The following LMX1B variants were observed in gnomAD, a reference collection of about 807,000 sequenced individuals.
The protein encoded by LMX1B is LIM homeobox transcription factor 1 beta.
LMX1B carries 12 observed loss-of-function variants against 51.4 expected under a neutral mutation model. The ratio of observed to expected loss-of-function variants is 0.23; its 90% CI spans 0.15 to 0.38. The LOEUF (loss-of-function observed/expected upper bound fraction) is 0.38, where lower values mean the gene tolerates loss of function less well. LMX1B is among the 10% of genes least tolerant of loss of function. LMX1B has a pLI of 1.00. For synonymous variants in LMX1B, 237 were observed against 235.4 expected (o/e 1.01, Z -0.06); for missense variants, 445 against 571.1 (o/e 0.78, Z 2.25).
At position 126,675,169 on chromosome 9, in the gene LMX1B, A is replaced by G. The variant is rs556089585; in HGVS notation, c.327-15667A>G. Reference sequence around the variant, plus strand: ...CAATCAGTCCTCATTACCAAAACAAAACAAAACCCCCCCAAAATACACCCA... The same window carrying G: ...CAATCAGTCCTCATTACCAAAACAAGACAAAACCCCCCCAAAATACACCCA... On this transcript the variant is annotated intron_variant, in intron 2 of 7. Coordinates refer to ENST00000373474, the MANE Select transcript of LMX1B (RefSeq NM_001174147.2). 2.1e-5 allele frequency among the ~76,000 whole-genome samples: 3 copies of G among 141,294 alleles called. 1 individual carries two copies. In the South Asian group the frequency reaches 6.6e-4, roughly 31 times the overall value. The allele number at this position is 141,294 out of a possible 152,430, so 92.7% of individuals were successfully genotyped here.
At chr9:126,666,460 G>C (rs764809090) in intron 2 of LMX1B, among the ~76,000 whole-genome samples, 1 of 152,178 alleles carries the variant, frequency 6.6e-6, no homozygotes, top group Non-Finnish European at 1.5e-5. Context: ...TCCATTTCTG[G>C]AAAGAGGAAA....
intron 2 of LMX1B, among the ~76,000 whole-genome samples, chr9:126,643,435 T>C (rs1835843165): frequency 1.3e-5 from 2 of 152,168 alleles, no homozygotes; most frequent in South Asian, 4.1e-4. Context: ...TGTGAGTCCT[T>C]GGGCAACTCA....
At position 126,696,689 on chromosome 9, in the gene LMX1B, C is replaced by T. The variant is rs2030350724; in HGVS notation, c.*238C>T. ...ACAGAGACCTTGTCATCCCCAGGGA[C>T]CCAGAGCTCTCGGACGGCCACTCGC... On this transcript the variant is annotated 3_prime_UTR_variant, in exon 8 of 8. Transcript: ENST00000373474. The T allele has an allele frequency of 1.7e-6, 1 of 573,424 alleles. No individual in the cohort carries two copies. Among genetic ancestry groups the T allele is most frequent in the African/African-American group, 1.9e-5 (1 of 53,364 alleles). 35.5% of individuals were successfully genotyped at this position (573,424 alleles called of 1,614,324 possible).
rs1387631319 is a variant in LMX1B at position 126,696,741 on chromosome 9, G to C, written c.*290G>C. ...TCCCAGCCCCACCTCGGCCTCCATC[G>C]CCTCCTCCCCATCTCTTTTTTGGGA... On this transcript the variant is annotated 3_prime_UTR_variant, in exon 8 of 8. Transcript: ENST00000373474. 1 of 526,662 alleles carries C rather than the reference G, an allele frequency of 1.9e-6. No homozygotes were observed. The highest frequency in any genetic ancestry group is 1.9e-5 in the African/African-American group (1 of 52,294). 32.6% of individuals were successfully genotyped at this position (526,662 alleles called of 1,614,324 possible). A position where few individuals can be genotyped will look rare whatever the true frequency, so the allele number is the denominator to read the frequency against.
rs754713175 is a variant in LMX1B at position 126,691,031 on chromosome 9, C to A, written c.522C>A (p.Asp174Glu). The A allele has an allele frequency of 6.2e-7, 1 of 1,613,706 alleles. No homozygotes were observed. The highest frequency in any genetic ancestry group is 1.1e-5 in the South Asian group (1 of 91,006). ...AGGGTGACTACGAGAAGGAGAAGGACCTGCTCAGCTCCGTGAGCCCCGACG... is the reference window on the plus strand; with the variant it reads ...AGGGTGACTACGAGAAGGAGAAGGAACTGCTCAGCTCCGTGAGCCCCGACG... ...LCKGDYEKEK[D>E]LLSSVSPDES... Residue 174 changes from aspartate (D) to glutamate (E), a missense_variant, in exon 3 of 8, where the codon GAC becomes GAA. By Grantham distance (45) the Asp-to-Glu change is conservative (BLOSUM62 2). Transcript: ENST00000373474.
intron 2 of LMX1B, among the ~76,000 whole-genome samples, chr9:126,642,039 C>G (rs1202527775): frequency 6.6e-6 from 1 of 152,180 alleles, no homozygotes; most frequent in African/African-American, 2.4e-5. Context: ...AAGCCCCCAC[C>G]TGGAACAGTT....
At chr9:126,634,827 T>C (rs1325730638) in intron 2 of LMX1B, among the ~76,000 whole-genome samples, 3 of 152,018 alleles carry the variant, frequency 2.0e-5, no homozygotes, top group Non-Finnish European at 2.9e-5. Flanking sequence ...GCAGGTGACA[T>C]TTGGAGTCAC....
intron 2 of LMX1B, among the ~76,000 whole-genome samples, chr9:126,682,673 G>T (rs1836697309): frequency 6.6e-6 from 1 of 152,092 alleles, no homozygotes; most frequent in Non-Finnish European, 1.5e-5. Context: ...TAGGTGGGGG[G>T]ATCACGAGGT....
chr9:126,685,268 A>T (rs971721527), intron 2 of LMX1B, among the ~76,000 whole-genome samples: 1 of 152,152 alleles, frequency 6.6e-6, no homozygotes, highest in Non-Finnish European at 1.5e-5. Context: ...TAAGGAGGCA[A>T]GAAGGGACTT....
intron 2 of LMX1B, among the ~76,000 whole-genome samples, chr9:126,654,805 C>T (rs1002428540): frequency 1.3e-5 from 2 of 152,246 alleles, no homozygotes; most frequent in Non-Finnish European, 2.9e-5. Flanking sequence ...TATCTCTCAT[C>T]TTTACTCCCC....
intron 2 of LMX1B, among the ~76,000 whole-genome samples, chr9:126,628,897 A>G (rs1276104083): frequency 6.6e-6 from 1 of 151,886 alleles, no homozygotes; most frequent in Non-Finnish European, 1.5e-5. Context: ...TTGCGACGCA[A>G]ATTGCTTCTG....
intron 2 of LMX1B, among the ~76,000 whole-genome samples, chr9:126,619,261 C>G (rs1443157568): frequency 6.6e-6 from 1 of 152,214 alleles, no homozygotes; most frequent in Non-Finnish European, 1.5e-5. Context: ...CGGGAAAGAC[C>G]TTCTTGGGAG....
At chr9:126,656,938 A>C (rs1370654251) in intron 2 of LMX1B, among the ~76,000 whole-genome samples, 4 of 152,170 alleles carry the variant, frequency 2.6e-5, no homozygotes, top group Non-Finnish European at 5.9e-5. Context: ...GTAGGGAAAG[A>C]CACCAGGCCC....
chr9:126,634,605 C>A (rs1305183636), intron 2 of LMX1B, among the ~76,000 whole-genome samples: 1 of 152,006 alleles, frequency 6.6e-6, no homozygotes, highest in East Asian at 1.9e-4. Context: ...TCTGCACACC[C>A]CCCCCACAAT....
chr9:126,642,565 GCCTCCTCTGGGCACCCCCAGCTGTCCCA>G (rs1456721020), intron 2 of LMX1B, among the ~76,000 whole-genome samples: 1 of 152,212 alleles, frequency 6.6e-6, no homozygotes, highest in African/African-American at 2.4e-5. Flanking sequence ...GGCTGGCCCT[GCCTCCTCTGGGCACCCCCAGCTGTCCCA>G]GCCCTTGTCA....
chr9:126,617,152 G>A (rs1422626218), intron 2 of LMX1B, among the ~76,000 whole-genome samples: 2 of 152,226 alleles, frequency 1.3e-5, no homozygotes, highest in African/African-American at 4.8e-5. Context: ...GGGGAAAATA[G>A]TTTGGGGTAG....
At chr9:126,680,159 C>A (rs1467397967) in intron 2 of LMX1B, among the ~76,000 whole-genome samples, 1 of 152,252 alleles carries the variant, frequency 6.6e-6, no homozygotes, top group Non-Finnish European at 1.5e-5. Context: ...CTGGTGCCCC[C>A]AGCCCAGGCC....
At chr9:126,643,662 T>C (rs1835848451) in intron 2 of LMX1B, among the ~76,000 whole-genome samples, 1 of 152,178 alleles carries the variant, frequency 6.6e-6, no homozygotes, top group Admixed American at 6.5e-5. Flanking sequence ...ACCACAAGTA[T>C]AAGCCAGGAC....
rs552025674 is a variant in LMX1B, at chr9:126,625,704, TCCGCCGCCG to T, written c.326+10144_326+10152del. On this transcript the variant is annotated intron_variant, in intron 2 of 7. Transcript: ENST00000373474. The surrounding 1 kb of genome is among the most constrained non-coding windows in gnomAD (Gnocchi z 5.3). ...GGCCCGTGGCGCCTTTCTCGCCACC[TCCGCCGCCG>T]CCGCCGCCACCCTCGTCCCACCGTT... 1.3e-5 allele frequency among the ~76,000 whole-genome samples: 2 copies of T among 152,046 alleles called. No individual in the cohort carries two copies. The highest frequency in any genetic ancestry group is 4.8e-5 in the African/African-American group (2 of 41,412).
Sources: allele counts gnomAD v4.1 joint callset (sites outside exome capture counted in the v4.1 genomes callset), GRCh38; gene constraint gnomAD v4.1.1; non-coding constraint Gnocchi (gnomAD v3.1); transcripts MANE v1.5; gene names NCBI Gene and HGNC (gene_info 2026-07-23, HGNC 2026-07-21).